The following RIMS1 variants were observed in gnomAD, a reference collection of about 807,000 sequenced individuals.
RIMS1 encodes the protein regulating synaptic membrane exocytosis protein 1.
In RIMS1, 83 loss-of-function variants were observed where a neutral mutation model predicts 214.1. The ratio of observed to expected loss-of-function variants is 0.39; its 90% CI spans 0.32 to 0.47. RIMS1 has a LOEUF of 0.47. Ranked by LOEUF, RIMS1 falls within the 20% of genes least tolerant of loss-of-function variation. RIMS1 has a pLI of 0.99. For missense variants in RIMS1, 2,050 were observed against 2,161.8 expected, an observed-to-expected ratio of 0.95 and a Z score of 1.03; for synonymous variants, 793 against 786.8, an observed-to-expected ratio of 1.01 and a Z score of -0.13.
chr6:72,151,873 A>C (rs559845516), intron 4 of RIMS1, among the ~76,000 whole-genome samples: 21 of 152,330 alleles, frequency 1.4e-4, no homozygotes, highest in Non-Finnish European at 2.8e-4. Flanking sequence ...GTGTGGTGTC[A>C]TATCCACTTC....
chr6:72,295,139 T>G (rs1031991568), intron 26 of RIMS1, among the ~76,000 whole-genome samples: 2 of 151,774 alleles, frequency 1.3e-5, no homozygotes, highest in African/African-American at 4.8e-5. Flanking sequence ...GTAAATGATG[T>G]GTTAATTATG....
Position 72,182,412 on chromosome 6 carries a change from G to T in RIMS1, c.941G>T (p.Arg314Leu), listed in dbSNP as rs375918012. 1.2e-6 allele frequency: 2 copies of T among 1,613,822 alleles called. No homozygotes were observed. The highest frequency in any genetic ancestry group is 1.3e-5 in the African/African-American group (1 of 74,948). ...AVEERERKER[R>L]ESRRLEKGRS... The stretch of plus-strand genomic sequence containing the variant: ...GAAGAACGGGAGCGCAAAGAAAGGC[G>T]GGAAAGCCGAAGGCTTGAGAAAGGG... The change falls in exon 6 of 34, where the codon CGG becomes CTG. Residue 314 changes from arginine to leucine, a missense_variant. Arg to Leu is a moderately radical substitution (Grantham distance 102). Coordinates refer to ENST00000521978, the MANE Select transcript of RIMS1 (RefSeq NM_014989.7).
At chr6:71,979,327 T>G (rs763158180) in intron 2 of RIMS1, among the ~76,000 whole-genome samples, 1 of 151,994 alleles carries the variant, frequency 6.6e-6, no homozygotes, top group Non-Finnish European at 1.5e-5. Flanking sequence ...CAGCTGAGAT[T>G]TGATGATGCT....
intron 2 of RIMS1, among the ~76,000 whole-genome samples, chr6:72,050,054 A>C (rs1370236508): frequency 2.0e-5 from 3 of 152,128 alleles, no homozygotes; most frequent in African/African-American, 7.2e-5. Context: ...CTAAAATGTT[A>C]ATTAGTGATA....
intron 1 of RIMS1, among the ~76,000 whole-genome samples, chr6:71,904,088 G>A (rs1452548311): frequency 1.3e-5 from 2 of 152,100 alleles, no homozygotes; most frequent in Non-Finnish European, 1.5e-5. Context: ...GGAGGATACA[G>A]AATAAAGAAT....
intron 29 of RIMS1, among the ~76,000 whole-genome samples, chr6:72,363,218 C>T (rs1027119030): frequency 6.6e-6 from 1 of 151,670 alleles, no homozygotes; most frequent in African/African-American, 2.4e-5. Flanking sequence ...TAGATAATGA[C>T]CTATGATGGA....
chr6:72,342,656 TGG>T (rs1564309712), intron 29 of RIMS1, among the ~76,000 whole-genome samples: 1 of 147,426 alleles, frequency 6.8e-6, no homozygotes. Context: ...TGTGTGTGTG[TGG>T]GCATGCATGT....
chr6:72,159,370 T>C (rs1365479139), intron 4 of RIMS1, among the ~76,000 whole-genome samples: 3 of 140,776 alleles, frequency 2.1e-5, no homozygotes, highest in African/African-American at 7.4e-5. Context: ...CGGTAGTTTC[T>C]TTTGCTGTGC....
chr6:72,150,654 G>A (rs768928921), intron 4 of RIMS1, among the ~76,000 whole-genome samples: 16 of 152,192 alleles, frequency 1.1e-4, no homozygotes, highest in South Asian at 2.1e-4. Flanking sequence ...CTAATGTCAC[G>A]AACTAGTTTC....
At chr6:72,331,254 G>A (rs1184454521) in intron 28 of RIMS1, among the ~76,000 whole-genome samples, 1 of 151,680 alleles carries the variant, frequency 6.6e-6, no homozygotes. Context: ...TGATATTAGA[G>A]ATGGAAATTT....
Position 72,258,270 on chromosome 6 carries a change from G to T in RIMS1, c.2916G>T (p.Val972=). Residue 972 remains valine (V), a synonymous_variant, in exon 17 of 34, where the codon GTG becomes GTT. Transcript: ENST00000521978. ...QGKPRSRLPN[V]PLQRSLDEIH... ...AGCCGCGTTCACGTTTACCAAATGT[G>T]CCATTACAGAGGTAGGCTTTGAAAT... The T allele has an allele frequency of 6.2e-7, 1 of 1,613,208 alleles. No individual in the cohort carries two copies. Among genetic ancestry groups the T allele is most frequent in the Non-Finnish European group, 8.5e-7 (1 of 1,179,486 alleles).
chr6:72,019,802 A>C (rs549321321), intron 2 of RIMS1, among the ~76,000 whole-genome samples: 2 of 152,180 alleles, frequency 1.3e-5, no homozygotes, highest in South Asian at 4.1e-4. Flanking sequence ...TTATCAGTTT[A>C]GTTTTTGAAG....
At chr6:72,194,545 AAAC>A (rs757604230) in intron 6 of RIMS1, among the ~76,000 whole-genome samples, 4 of 152,302 alleles carry the variant, frequency 2.6e-5, no homozygotes, top group Non-Finnish European at 5.9e-5. Context: ...TGAGAAAAAT[AAAC>A]AATAAGGAAT....
chr6:71,981,609 C>T (rs1798499376), intron 2 of RIMS1, among the ~76,000 whole-genome samples: 1 of 152,028 alleles, frequency 6.6e-6, no homozygotes, highest in Non-Finnish European at 1.5e-5. Flanking sequence ...ACAAAATTGC[C>T]ATTGGTAATG....
Position 72,162,746 on chromosome 6 carries a change from C to T in RIMS1, c.472-16829C>T, listed in dbSNP as rs1366861338. On this transcript the variant is annotated intron_variant, in intron 4 of 33. Coordinates refer to ENST00000521978, the MANE Select transcript of RIMS1 (RefSeq NM_014989.7). ...TGTCTTCTGGCTTGTAGAGTTTCTT[C>T]CAAGAGATCAGCTGTTAGTCTGATG... Among the ~76,000 whole-genome samples, 4 of 140,690 alleles carry T rather than the reference C, an allele frequency of 2.8e-5. 1 individual carries two copies. Among genetic ancestry groups the T allele is most frequent in the Non-Finnish European group, 6.5e-5 (4 of 61,966 alleles). The allele number at this position is 140,690 out of a possible 152,430, so 92.3% of individuals were successfully genotyped here.
At chr6:71,924,510 T>C (rs1780971316) in intron 1 of RIMS1, among the ~76,000 whole-genome samples, 1 of 151,206 alleles carries the variant, frequency 6.6e-6, no homozygotes, top group Non-Finnish European at 1.5e-5. Flanking sequence ...CATAAGAAAA[T>C]AGACTGGGCG....
intron 19 of RIMS1, 83 bp from the exon 20 acceptor site, chr6:72,264,892 C>G: frequency 2.5e-6 from 2 of 789,182 alleles, no homozygotes; most frequent in Non-Finnish European, 4.2e-6. Flanking sequence ...GCTTTATAGG[C>G]CTCCTACTTT....
intron 29 of RIMS1, among the ~76,000 whole-genome samples, chr6:72,338,648 G>T (rs1204191617): frequency 2.6e-5 from 4 of 151,904 alleles, no homozygotes; most frequent in Non-Finnish European, 4.4e-5. Context: ...ATCAAAAAGT[G>T]GGCGAAGGAT....
chr6:72,027,321 G>A (rs1298858740), intron 2 of RIMS1, among the ~76,000 whole-genome samples: 1 of 151,998 alleles, frequency 6.6e-6, no homozygotes, highest in East Asian at 1.9e-4. Flanking sequence ...TGTGGCTGGG[G>A]CAAACAATTT....
Sources: allele counts gnomAD v4.1 joint callset (sites outside exome capture counted in the v4.1 genomes callset), GRCh38; gene constraint gnomAD v4.1.1; transcripts MANE v1.5; gene names NCBI Gene and HGNC (gene_info 2026-07-23, HGNC 2026-07-21).